The following UGGT2 variants were observed in gnomAD, a reference collection of about 807,000 sequenced individuals.
UGGT2 encodes the protein UDP-glucose:glycoprotein glucosyltransferase 2.
A neutral mutation model predicts 192.1 loss-of-function variants in UGGT2; 180 were observed. The observed-to-expected ratio is 0.94, with a 90% CI of 0.83 to 1.06. The LOEUF (loss-of-function observed/expected upper bound fraction) is 1.06. Among genes scored for constraint, UGGT2 ranks in the 50% least tolerant of loss-of-function variants. The probability of loss-of-function intolerance (pLI) is 0.00; values close to 1 mark genes in which losing one functional copy is unlikely to be tolerated. For missense variants in UGGT2, 1,849 were observed against 1,795.7 expected, an observed-to-expected ratio of 1.03 and a Z score of -0.54; for synonymous variants, 580 against 591.0, an observed-to-expected ratio of 0.98 and a Z score of 0.27.
intron 5 of UGGT2, among the ~76,000 whole-genome samples, chr13:95,999,761 G>C (rs2051739224): frequency 7.7e-6 from 1 of 129,044 alleles, no homozygotes; most frequent in Non-Finnish European, 1.8e-5. Context: ...CTGGAAAGTA[G>C]TGGCAAAGGA....
At chr13:95,990,999 T>C (rs2051440507) in intron 7 of UGGT2, 1 of 152,346 alleles carries the variant, frequency 6.6e-6, no homozygotes, top group African/African-American at 2.4e-5. Context: ...CTGTGTTAGT[T>C]TGCTGAGAAT....
At chr13:95,946,546 T>A (rs2049877289) in intron 15 of UGGT2, among the ~76,000 whole-genome samples, 1 of 152,232 alleles carries the variant, frequency 6.6e-6, no homozygotes, top group East Asian at 1.9e-4. Context: ...TTTTATTTTT[T>A]TTTTGGTAGA....
chr13:95,933,665 T>G (rs919255635), intron 17 of UGGT2, among the ~76,000 whole-genome samples: 2 of 144,248 alleles, frequency 1.4e-5, no homozygotes, highest in East Asian at 4.0e-4. Flanking sequence ...TATTTTGAGA[T>G]AGTTCTAAAT....
In UGGT2 at chr13:95,840,031, A is replaced by G. The variant is rs1887699645; in HGVS notation, c.4285-2829T>C. ...TTAAATAAACATATTAAAATCTCCA[A>G]ATAAACACATTTAAATCTCTGCTTA... On this transcript the variant is annotated intron_variant, in intron 36 of 38. Coordinates refer to ENST00000376747, the MANE Select transcript of UGGT2 (RefSeq NM_020121.4). 2.6e-5 allele frequency among the ~76,000 whole-genome samples: 4 copies of G among 152,148 alleles called. No homozygotes were observed. In the South Asian group the frequency reaches 8.3e-4, roughly 32 times the overall value.
intron 15 of UGGT2, among the ~76,000 whole-genome samples, chr13:95,940,426 T>C (rs2049631531): frequency 6.6e-6 from 1 of 151,458 alleles, no homozygotes; most frequent in South Asian, 2.1e-4. Context: ...TTTCATTTTT[T>C]ATTGCTTTTC....
chr13:96,046,294 G>A (rs1317497941), intron 1 of UGGT2, among the ~76,000 whole-genome samples: 2 of 152,190 alleles, frequency 1.3e-5, no homozygotes, highest in African/African-American at 4.8e-5. Context: ...GTAGGAGAAT[G>A]AAACTGGATT....
intron 12 of UGGT2, among the ~76,000 whole-genome samples, chr13:95,951,586 A>G (rs2050063971): frequency 6.6e-6 from 1 of 152,248 alleles, no homozygotes; most frequent in African/African-American, 2.4e-5. Flanking sequence ...GTGTGCCTAG[A>G]CAGACAAAAT....
At chr13:95,936,869 T>TA in intron 17 of UGGT2, 55 bp downstream of exon 17, 1 of 1,386,490 alleles carries the variant, frequency 7.2e-7, no homozygotes, top group Non-Finnish European at 9.5e-7. Flanking sequence ...AAGTTTTTAA[T>TA]AAAAACATCA....
At position 95,996,042 on chromosome 13, in the gene UGGT2, T is replaced by C. The variant is rs368641083; in HGVS notation, c.830+21A>G. ...AACCAATGGGTATAATAATACCAATTTCATTTCCATTCAGACTTACTTTAG... is the reference window on the plus strand; with the variant it reads ...AACCAATGGGTATAATAATACCAATCTCATTTCCATTCAGACTTACTTTAG... On this transcript the variant is annotated intron_variant, in intron 7 of 38. Coordinates refer to ENST00000376747, the MANE Select transcript of UGGT2 (RefSeq NM_020121.4). The C allele has an allele frequency of 1.5e-5, 24 of 1,605,132 alleles. No individual in the cohort carries two copies. The African/African-American group carries it at 3.2e-4, about 21-fold the overall frequency.
In UGGT2 at chr13:95,829,293, C is replaced by G. The variant is rs2139851195; in HGVS notation, c.4528+3634G>C. ...GATGCCCTCTCTCGCCACTCCTATT[C>G]AACATAGTGTTGGAAGTTCTGGCCA... On this transcript the variant is annotated intron_variant, in intron 38 of 38. Transcript: ENST00000376747. Among the ~76,000 whole-genome samples, 3 of 152,254 alleles carry G rather than the reference C, an allele frequency of 2.0e-5. No individual in the cohort carries two copies. The South Asian group carries it at 6.2e-4, about 32-fold the overall frequency.
At chr13:95,847,901 T>C (rs1161926168) in intron 36 of UGGT2, among the ~76,000 whole-genome samples, 1 of 152,272 alleles carries the variant, frequency 6.6e-6, no homozygotes, top group Non-Finnish European at 1.5e-5. Context: ...AAAGTGACTA[T>C]ACCATTTTGT....
rs142562611 is a variant in UGGT2 at position 95,969,684 on chromosome 13, G to T, written c.1335+428C>A. 4.1e-3 allele frequency among the ~76,000 whole-genome samples: 618 copies of T among 152,294 alleles called. 4 individuals are homozygous for T. Among genetic ancestry groups the T allele is most frequent in the Non-Finnish European group, 5.8e-3 (394 of 68,018 alleles). On this transcript the variant is annotated intron_variant, in intron 12 of 38. Transcript: ENST00000376747. The stretch of plus-strand genomic sequence containing the variant: ...CTGCTTAAGCAAGAAAGGGTGATAT[G>T]ATCAAATGTTTTTCACAAAAATCAC...
chr13:95,928,524 G>A (rs1026917692), intron 17 of UGGT2, among the ~76,000 whole-genome samples: 7 of 151,882 alleles, frequency 4.6e-5, no homozygotes, highest in African/African-American at 1.7e-4. Context: ...ACGGGGTGGT[G>A]GCGGGGCAGA....
At chr13:95,858,436 G>A (rs1021106974) in intron 33 of UGGT2, among the ~76,000 whole-genome samples, 2 of 152,006 alleles carry the variant, frequency 1.3e-5, no homozygotes, top group Admixed American at 6.6e-5. Context: ...CAGGCCGTTA[G>A]CCAAGTCCAC....
intron 6 of UGGT2, among the ~76,000 whole-genome samples, chr13:95,998,524 C>T (rs2051697978): frequency 6.6e-6 from 1 of 152,146 alleles, no homozygotes; most frequent in Admixed American, 6.6e-5. Context: ...GCAGGAGCCT[C>T]ATCTGAGTGC....
At chr13:95,901,180 G>C (rs935293459) in intron 21 of UGGT2, among the ~76,000 whole-genome samples, 8 of 151,796 alleles carry the variant, frequency 5.3e-5, no homozygotes, top group African/African-American at 1.7e-4. Context: ...GAGAATTTCA[G>C]GGAAACTACC....
At chr13:95,898,086 C>T (rs938155841) in intron 22 of UGGT2, among the ~76,000 whole-genome samples, 1 of 152,070 alleles carries the variant, frequency 6.6e-6, no homozygotes, top group African/African-American at 2.4e-5. Flanking sequence ...AAATACATCC[C>T]ATATCCACTT....
intron 29 of UGGT2, among the ~76,000 whole-genome samples, chr13:95,869,222 A>C (rs925438570): frequency 6.6e-6 from 1 of 151,818 alleles, no homozygotes; most frequent in African/African-American, 2.4e-5. Context: ...TGAACTCATC[A>C]TTTTTTATGG....
chr13:95,935,921 G>A (rs545798409), intron 17 of UGGT2, among the ~76,000 whole-genome samples: 12 of 152,214 alleles, frequency 7.9e-5, no homozygotes, highest in Admixed American at 2.6e-4. Flanking sequence ...CCATCTCCTA[G>A]GCTCAAGTGA....
Sources: allele counts gnomAD v4.1 joint callset (sites outside exome capture counted in the v4.1 genomes callset), GRCh38; gene constraint gnomAD v4.1.1; transcripts MANE v1.5; gene names NCBI Gene and HGNC (gene_info 2026-07-23, HGNC 2026-07-21).